The following MND1 variants were observed in gnomAD, a reference collection of about 807,000 sequenced individuals.
MND1 encodes meiotic nuclear division protein 1 homolog.
A neutral mutation model predicts 35.1 loss-of-function variants in MND1; 28 were observed. The observed-to-expected ratio is 0.80, with a 90% CI of 0.59 to 1.09. The LOEUF is 1.09. Among genes scored for constraint, MND1 ranks in the 50% least tolerant of loss-of-function variants. The probability of loss-of-function intolerance (pLI) is 0.00; values close to 1 mark genes in which losing one functional copy is unlikely to be tolerated. For synonymous variants in MND1, 69 were observed against 70.5 expected (o/e 0.98, Z 0.11); for missense variants, 213 against 239.6 (o/e 0.89, Z 0.73).
chr4:153,408,870 G>GA (rs1285030047), intron 6 of MND1, 101 bp from the exon 7 acceptor site: 1 of 274,976 alleles, frequency 3.6e-6, no homozygotes, highest in Non-Finnish European at 5.8e-6. Context: ...TTGTTCATAT[G>GA]AAAAAATACA....
intron 4 of MND1, among the ~76,000 whole-genome samples, chr4:153,373,545 AT>A (rs1446960093): frequency 6.6e-6 from 1 of 152,210 alleles, no homozygotes; most frequent in Admixed American, 6.5e-5. Context: ...CTTTTAAAAA[AT>A]TGAGCTTAAT....
intron 7 of MND1, among the ~76,000 whole-genome samples, chr4:153,411,315 G>A (rs537874236): frequency 9.2e-5 from 14 of 152,146 alleles, no homozygotes; most frequent in Non-Finnish European, 2.1e-4. Context: ...TATCTTTGCT[G>A]TGTCACCGTA....
At chr4:153,374,757 C>A (rs1322622599) in intron 4 of MND1, among the ~76,000 whole-genome samples, 2 of 151,478 alleles carry the variant, frequency 1.3e-5, no homozygotes, top group African/African-American at 2.4e-5. Context: ...TTTTCTCTTG[C>A]CTTTAGGTTG....
chr4:153,363,014 TG>T, intron 4 of MND1: 1 of 985,368 alleles, frequency 1.0e-6, no homozygotes, highest in Non-Finnish European at 1.2e-6. Flanking sequence ...CCACATGAAG[TG>T]CAAGATGGAG....
chr4:153,358,699 C>A (rs1316808185), intron 4 of MND1, 77 bp downstream of exon 4: 3 of 1,422,872 alleles, frequency 2.1e-6, no homozygotes, highest in East Asian at 4.8e-5. Context: ...TTTTGTTTAG[C>A]AGTTTCTTTT....
At chr4:153,399,993 G>A (rs781518303) in intron 6 of MND1, among the ~76,000 whole-genome samples, 3 of 132,534 alleles carry the variant, frequency 2.3e-5, no homozygotes, top group Admixed American at 9.3e-5. Flanking sequence ...CTCAACCCCC[G>A]CAAGCTCAAG....
chr4:153,378,753 A>G (rs775328057), intron 4 of MND1, among the ~76,000 whole-genome samples: 1 of 152,224 alleles, frequency 6.6e-6, no homozygotes, highest in Non-Finnish European at 1.5e-5. Context: ...AGTGCTGTTG[A>G]TAACAACTGG....
chr4:153,360,123 G>A (rs1773445830), intron 4 of MND1, among the ~76,000 whole-genome samples: 1 of 152,110 alleles, frequency 6.6e-6, no homozygotes, highest in South Asian at 2.1e-4. Context: ...TGTCATCTAT[G>A]TAAAAGGAGG....
chr4:153,403,852 A>G (rs1181686932), intron 6 of MND1, among the ~76,000 whole-genome samples: 1 of 151,818 alleles, frequency 6.6e-6, no homozygotes, highest in African/African-American at 2.4e-5. Flanking sequence ...TGCAGCCTCA[A>G]CCTCTTGGGC....
At chr4:153,379,161 G>A (rs935968323) in intron 4 of MND1, among the ~76,000 whole-genome samples, 2 of 151,540 alleles carry the variant, frequency 1.3e-5, no homozygotes, top group Non-Finnish European at 2.9e-5. Context: ...GTGGTTGCAG[G>A]CGCCTGTAGT....
At chr4:153,399,229 G>T (rs769729664) in intron 6 of MND1, among the ~76,000 whole-genome samples, 1 of 151,912 alleles carries the variant, frequency 6.6e-6, no homozygotes, top group Non-Finnish European at 1.5e-5. Context: ...ATATGTCTAG[G>T]ACCTACAACT....
intron 4 of MND1, among the ~76,000 whole-genome samples, chr4:153,377,739 T>C (rs1013100504): frequency 6.6e-6 from 1 of 152,198 alleles, no homozygotes; most frequent in African/African-American, 2.4e-5. Context: ...AAGGGCACTA[T>C]AGCGCAGTGA....
chr4:153,362,155 T>G (rs945376725), intron 4 of MND1, among the ~76,000 whole-genome samples: 1 of 152,240 alleles, frequency 6.6e-6, no homozygotes, highest in Non-Finnish European at 1.5e-5. Context: ...GCCTATCCTG[T>G]TTTTCCTATA....
chr4:153,369,363 CAAGAG>C (rs1773734932), intron 4 of MND1, among the ~76,000 whole-genome samples: 1 of 152,158 alleles, frequency 6.6e-6, no homozygotes, highest in South Asian at 2.1e-4. Flanking sequence ...AGTTTACACT[CAAGAG>C]AGGAGATTAC....
chr4:153,385,715 C>CAAAAA (rs60037291), intron 4 of MND1, among the ~76,000 whole-genome samples: 15 of 83,394 alleles, frequency 1.8e-4, no homozygotes, highest in Admixed American at 4.3e-4. Flanking sequence ...GACCCTGTCT[C>CAAAAA]AAAAAAAAAA....
rs1377739606 is a variant in MND1, at chr4:153,414,908, A to T, written c.*51A>T. 1 of 791,334 alleles carries T rather than the reference A, an allele frequency of 1.3e-6. No individual in the cohort carries two copies. The highest frequency in any genetic ancestry group is 2.2e-5 in the South Asian group (1 of 46,332). 49.0% of individuals were successfully genotyped at this position (791,334 alleles called of 1,614,324 possible). A position where few individuals can be genotyped will look rare whatever the true frequency, so the allele number is the denominator to read the frequency against. ...ACAAGCTTGTGAATATGTAAATTTT[A>T]AACTATTATCTAACTAAGTGTACTG... On this transcript the variant is annotated 3_prime_UTR_variant, in exon 8 of 8. Coordinates refer to ENST00000240488, the MANE Select transcript of MND1 (RefSeq NM_032117.4).
chr4:153,366,380 A>T (rs1209173143), intron 4 of MND1, among the ~76,000 whole-genome samples: 2 of 152,192 alleles, frequency 1.3e-5, no homozygotes, highest in Admixed American at 6.5e-5. Flanking sequence ...TTGTGGATGA[A>T]TTTTTTAAAA....
Position 153,352,442 on chromosome 4 carries a change from A to G in MND1, c.69+2313A>G, listed in dbSNP as rs143703997. Among the ~76,000 whole-genome samples, 550 of 152,316 alleles carry G rather than the reference A, an allele frequency of 3.6e-3. 3 individuals are homozygous for G. The highest frequency in any genetic ancestry group is 0.012 in the African/African-American group (519 of 41,562). On this transcript the variant is annotated intron_variant, in intron 2 of 7. Coordinates refer to ENST00000240488, the MANE Select transcript of MND1 (RefSeq NM_032117.4). ...TCACTCAATAGCTTCGTGACCTTTAAGCAAGTTACTTGACCTCTCTATGTC... is the reference window on the plus strand; with the variant it reads ...TCACTCAATAGCTTCGTGACCTTTAGGCAAGTTACTTGACCTCTCTATGTC...
At chr4:153,379,757 G>A (rs1349059247) in intron 4 of MND1, among the ~76,000 whole-genome samples, 1 of 148,708 alleles carries the variant, frequency 6.7e-6, no homozygotes, top group Non-Finnish European at 1.5e-5. Flanking sequence ...GACTGAAGCA[G>A]GAGAATCGCT....
Sources: allele counts gnomAD v4.1 joint callset (sites outside exome capture counted in the v4.1 genomes callset), GRCh38; gene constraint gnomAD v4.1.1; transcripts MANE v1.5; gene names NCBI Gene and HGNC (gene_info 2026-07-23, HGNC 2026-07-21).